The following SMAP1 variants were observed in gnomAD, a reference collection of about 807,000 sequenced individuals.
SMAP1 encodes small ArfGAP 1, also known as stromal membrane-associated protein 1.
In SMAP1, 24 loss-of-function variants were observed where a neutral mutation model predicts 58.5. The ratio of observed to expected loss-of-function variants is 0.41; its 90% CI spans 0.30 to 0.58. The LOEUF (loss-of-function observed/expected upper bound fraction) is 0.58, where lower values mean the gene tolerates loss of function less well. SMAP1 is among the 20% of genes least tolerant of loss of function. The pLI, the probability that SMAP1 is intolerant of heterozygous loss-of-function variation, is 0.29. For missense variants in SMAP1, 563 were observed against 566.3 expected (o/e 0.99, Z 0.06); for synonymous variants, 216 against 196.6 (o/e 1.10, Z -0.82).
At chr6:70,668,935 A>C (rs1766152475) in intron 1 of SMAP1, among the ~76,000 whole-genome samples, 1 of 152,182 alleles carries the variant, frequency 6.6e-6, no homozygotes, top group Non-Finnish European at 1.5e-5. Flanking sequence ...TACCTCATAA[A>C]TGCTGAAGGT....
intron 8 of SMAP1, among the ~76,000 whole-genome samples, chr6:70,854,334 A>G (rs1771308964): frequency 6.6e-6 from 1 of 152,158 alleles, no homozygotes; most frequent in Non-Finnish European, 1.5e-5. Flanking sequence ...AAATCCAGAC[A>G]TATTTGGCCA....
chr6:70,796,455 G>A (rs1768610243), intron 5 of SMAP1, among the ~76,000 whole-genome samples: 1 of 152,122 alleles, frequency 6.6e-6, no homozygotes, highest in African/African-American at 2.4e-5. Flanking sequence ...TTTTATTTCA[G>A]AAAATTGTTG....
intron 2 of SMAP1, among the ~76,000 whole-genome samples, chr6:70,738,025 C>T (rs1241532046): frequency 6.6e-6 from 1 of 152,058 alleles, no homozygotes; most frequent in Non-Finnish European, 1.5e-5. Flanking sequence ...GAAGTGAAAT[C>T]GATTGCCTTG....
chr6:70,788,187 A>G (rs974617156), intron 4 of SMAP1, among the ~76,000 whole-genome samples: 3 of 151,578 alleles, frequency 2.0e-5, no homozygotes, highest in Admixed American at 6.6e-5. Context: ...ATTCTCAGCA[A>G]ACTATCGCAA....
intron 8 of SMAP1, among the ~76,000 whole-genome samples, chr6:70,854,992 G>C (rs1481213356): frequency 6.6e-6 from 1 of 151,906 alleles, no homozygotes; most frequent in Non-Finnish European, 1.5e-5. Flanking sequence ...TTGGGGGCTG[G>C]AGAGGAACAG....
intron 5 of SMAP1, among the ~76,000 whole-genome samples, chr6:70,793,280 G>A (rs1020465670): frequency 5.3e-5 from 8 of 152,068 alleles, no homozygotes; most frequent in African/African-American, 1.4e-4. Flanking sequence ...TGATCCACCC[G>A]ACTCGGGCTC....
chr6:70,845,914 C>G (rs1389025496), intron 7 of SMAP1, among the ~76,000 whole-genome samples: 1 of 152,124 alleles, frequency 6.6e-6, no homozygotes, highest in African/African-American at 2.4e-5. Flanking sequence ...AAAGGGGAAG[C>G]CCTGGTGTAG....
Position 70,852,684 on chromosome 6 carries a change from T to C in SMAP1, c.789+20T>C. On this transcript the variant is annotated intron_variant, in intron 8 of 10. Transcript: ENST00000370455. ...GCTCAGGTATGTGATAAGAATATGGTTTTATATGGTCACTGCTTATTTCCT... is the reference window on the plus strand; with the variant it reads ...GCTCAGGTATGTGATAAGAATATGGCTTTATATGGTCACTGCTTATTTCCT... 1 of 1,538,898 alleles carries C rather than the reference T, an allele frequency of 6.5e-7. No homozygotes were observed.
At chr6:70,729,663 T>C (rs192230542) in intron 1 of SMAP1, among the ~76,000 whole-genome samples, 22 of 152,300 alleles carry the variant, frequency 1.4e-4, no homozygotes, top group African/African-American at 5.3e-4. Context: ...ACTTGCATTT[T>C]GGCCTCTACC....
In SMAP1 at chr6:70,861,718, A is replaced by G; in HGVS notation, c.*1384A>G. On this transcript the variant is annotated 3_prime_UTR_variant, in exon 11 of 11. Coordinates refer to ENST00000370455, the MANE Select transcript of SMAP1 (RefSeq NM_001044305.3). ...GTACTTTGGCTCGTTGGCTAGATTA[A>G]CCTTCTCTGTCCGAGTGTGCCACAC... 1 of 1,614,108 alleles carries G rather than the reference A, an allele frequency of 6.2e-7. No individual in the cohort carries two copies. The highest frequency in any genetic ancestry group is 8.5e-7 in the Non-Finnish European group (1 of 1,179,988).
chr6:70,774,454 T>C (rs1486415392), intron 4 of SMAP1, among the ~76,000 whole-genome samples: 2 of 152,228 alleles, frequency 1.3e-5, no homozygotes, highest in Non-Finnish European at 2.9e-5. Context: ...ATTCATCTCA[T>C]TTTTCATACA....
chr6:70,691,103 G>C (rs1203596862), intron 1 of SMAP1, among the ~76,000 whole-genome samples: 1 of 152,074 alleles, frequency 6.6e-6, no homozygotes, highest in Non-Finnish European at 1.5e-5. Context: ...GCATAAAGTT[G>C]TTTATGATAT....
chr6:70,668,508 C>G, intron 1 of SMAP1: 1 of 1,481,752 alleles, frequency 6.7e-7, no homozygotes, highest in Non-Finnish European at 8.9e-7. Flanking sequence ...AGAGAGTTGC[C>G]CTCCTAGCTC....
intron 4 of SMAP1, among the ~76,000 whole-genome samples, chr6:70,787,944 T>C (rs866579171): frequency 1.2e-4 from 19 of 152,178 alleles, no homozygotes; most frequent in Middle Eastern, 3.4e-3. Flanking sequence ...GCCATCCCAT[T>C]ACTGGGTATA....
At chr6:70,674,304 C>T (rs907228761) in intron 1 of SMAP1, among the ~76,000 whole-genome samples, 1 of 151,912 alleles carries the variant, frequency 6.6e-6, no homozygotes, top group African/African-American at 2.4e-5. Flanking sequence ...GTAGAGACCA[C>T]GTTTCGTCAT....
At chr6:70,764,011 C>T (rs916136857) in intron 3 of SMAP1, among the ~76,000 whole-genome samples, 7 of 152,092 alleles carry the variant, frequency 4.6e-5, no homozygotes, top group African/African-American at 1.7e-4. Flanking sequence ...GTCCTGGGCT[C>T]AAGCGATCGT....
At chr6:70,673,034 G>A (rs756029055) in intron 1 of SMAP1, among the ~76,000 whole-genome samples, 8 of 152,098 alleles carry the variant, frequency 5.3e-5, no homozygotes, top group Non-Finnish European at 4.4e-5. Context: ...ATGTTGAACA[G>A]TGGTCCAAGA....
chr6:70,741,924 A>G (rs1473227699), intron 2 of SMAP1, among the ~76,000 whole-genome samples: 1 of 152,224 alleles, frequency 6.6e-6, no homozygotes, highest in East Asian at 1.9e-4. Context: ...CTCTGGAGCC[A>G]TGGTCTGAGC....
chr6:70,758,243 C>G lies in SMAP1; in HGVS notation c.338+3178C>G, dbSNP rs555594931. Among the ~76,000 whole-genome samples the G allele has an allele frequency of 2.6e-5, 4 of 151,834 alleles. No homozygotes were observed. The South Asian group carries it at 8.3e-4, about 32-fold the overall frequency. ...TAGGGACATGGATGAAATTGGAAAT[C>G]ATCATTCTCAGTAATCTATCGCAAG... is the stretch of plus-strand genomic sequence containing the variant. On this transcript the variant is annotated intron_variant, in intron 3 of 10. Transcript: ENST00000370455.
Sources: allele counts gnomAD v4.1 joint callset (sites outside exome capture counted in the v4.1 genomes callset), GRCh38; gene constraint gnomAD v4.1.1; transcripts MANE v1.5; gene names NCBI Gene and HGNC (gene_info 2026-07-23, HGNC 2026-07-21).